Variants in FAM193B observed in about 807,000 individuals in gnomAD.
FAM193B encodes the protein protein FAM193B.
FAM193B carries 27 observed loss-of-function variants against 70.7 expected under a neutral mutation model. That is an observed-to-expected ratio of 0.38 (90% CI 0.28 to 0.53). The LOEUF is 0.53. Among genes scored for constraint, FAM193B ranks in the 20% least tolerant of loss-of-function variants. The probability of loss-of-function intolerance (pLI) is 0.81; values close to 1 mark genes in which losing one functional copy is unlikely to be tolerated. For synonymous variants in FAM193B, 448 were observed against 436.0 expected (o/e 1.03, Z -0.34); for missense variants, 1,022 against 1,072.5 (o/e 0.95, Z 0.66).
intron 4 of FAM193B, 101 bp downstream of exon 4, chr5:177,536,257 C>T: frequency 8.0e-7 from 1 of 1,243,786 alleles, no homozygotes; most frequent in South Asian, 1.3e-5. Context: ...AAAGGAAAGA[C>T]ATAGTCTACT....
At position 177,525,163 on chromosome 5, in the gene FAM193B, C is replaced by G; in HGVS notation, c.1318G>C (p.Ala440Pro). Reference sequence around the variant, plus strand: ...TCCCGGCTTCCAGAAACACGATTTGCCTGCTTTAGAGCTTCTGCTGCCAAC... The same window carrying G: ...TCCCGGCTTCCAGAAACACGATTTGGCTGCTTTAGAGCTTCTGCTGCCAAC... ...AQLAAEALKQ[A>P]NRVSGSREPR... Residue 440 changes from alanine to proline, a missense_variant, in exon 6 of 9, where the codon GCA becomes CCA. Ala to Pro is a conservative substitution (Grantham distance 27). Transcript: ENST00000514747. 1.3e-6 allele frequency: 2 copies of G among 1,511,824 alleles called. No homozygotes were observed. The highest frequency in any genetic ancestry group is 1.8e-4 in the Middle Eastern group (1 of 5,604). The allele number at this position is 1,511,824 out of a possible 1,614,324, so 93.7% of individuals were successfully genotyped here.
rs1231172805 is a variant in FAM193B, at chr5:177,554,398, C to T, written c.61G>A (p.Ala21Thr). 2.6e-6 allele frequency: 3 copies of T among 1,157,500 alleles called. No homozygotes were observed. The highest frequency in any genetic ancestry group is 3.2e-6 in the Non-Finnish European group (3 of 940,976). 71.7% of individuals were successfully genotyped at this position (1,157,500 alleles called of 1,614,324 possible). The change falls in exon 1 of 9, where the codon GCG (alanine) becomes ACG (threonine). Residue 21 changes from alanine to threonine, a missense_variant. Physicochemically the swap from Ala to Thr is moderately conservative, Grantham distance 58. Transcript: ENST00000514747. ...GAGRRERARA[A>T]GPQKPQAPEP... ...GGCGCCTGGGGCTTCTGCGGCCCCGCGGCCCGAGCCCGCTCGCGCCTGCCC... is the reference window on the plus strand; with the variant it reads ...GGCGCCTGGGGCTTCTGCGGCCCCGTGGCCCGAGCCCGCTCGCGCCTGCCC...
At chr5:177,527,541 G>T (rs566926017) in intron 5 of FAM193B, among the ~76,000 whole-genome samples, 1 of 152,356 alleles carries the variant, frequency 6.6e-6, no homozygotes, top group Admixed American at 6.5e-5. Context: ...CAGCCCCACT[G>T]CCTGAGAACT....
In FAM193B at chr5:177,522,043, G is replaced by A. The variant is rs1183044542; in HGVS notation, c.2401C>T (p.Arg801Cys). 2.5e-6 allele frequency: 4 copies of A among 1,614,006 alleles called. No homozygotes were observed. The highest frequency in any genetic ancestry group is 1.7e-5 in the Admixed American group (1 of 60,028). ...GTCCAGTTCACAGCAACTTTCTGAC[G>A]AGTCTGCTTTGCAGAATCCAAACAG... is the stretch of plus-strand genomic sequence containing the variant. ...RFCLDSAKQT[R>C]QKVAVNWTNF... Residue 801 changes from arginine to cysteine, a missense_variant, in exon 8 of 9, where the codon CGT (arginine) becomes TGT (cysteine). Coordinates refer to ENST00000514747, the MANE Select transcript of FAM193B (RefSeq NM_001190946.3).
At chr5:177,520,364 T>C (rs1311069005) in intron 8 of FAM193B, among the ~76,000 whole-genome samples, 183 bp from the exon 9 acceptor site, 3 of 152,186 alleles carry the variant, frequency 2.0e-5, no homozygotes, top group Non-Finnish European at 4.4e-5. Flanking sequence ...GTTAACGGGT[T>C]GGGAGACAGA....
In FAM193B at chr5:177,554,413, C is replaced by T. The variant is rs1458523205; in HGVS notation, c.46G>A (p.Glu16Lys). The T allele has an allele frequency of 9.0e-7, 1 of 1,114,576 alleles. No individual in the cohort carries two copies. Among genetic ancestry groups the T allele is most frequent in the Admixed American group, 5.1e-5 (1 of 19,800 alleles). 69.0% of individuals were successfully genotyped at this position (1,114,576 alleles called of 1,614,324 possible). Residue 16 changes from glutamate (E) to lysine (K), a missense_variant, in exon 1 of 9, where the codon GAG (glutamate) becomes AAG (lysine). Transcript: ENST00000514747. ...SRPSGGAGRR[E>K]RARAAGPQKP... ...TGCGGCCCCGCGGCCCGAGCCCGCTCGCGCCTGCCCGCACCGCCGCTCGGC... is the reference window on the plus strand; with the variant it reads ...TGCGGCCCCGCGGCCCGAGCCCGCTTGCGCCTGCCCGCACCGCCGCTCGGC...
At chr5:177,553,911 G>A (rs981097981) in intron 1 of FAM193B, 6 of 1,218,914 alleles carry the variant, frequency 4.9e-6, no homozygotes, top group Non-Finnish European at 6.3e-6. Context: ...GTGGGCCCGG[G>A]GGAGGTGGCG....
rs1262301421 is a variant in FAM193B, at chr5:177,524,703, A to G, written c.1778T>C (p.Leu593Pro). ...LVRRLNTVPN[L>P]SRVIWVKTPK... ...TGTCTTGACCCAGATCACCCGGGAT[A>G]GGTTGGGCACGGTGTTGAGTCTCCT... Residue 593 changes from leucine to proline, a missense_variant, in exon 6 of 9, where the codon CTA becomes CCA. Transcript: ENST00000514747. 6.3e-7 allele frequency: 1 copy of G among 1,597,106 alleles called. No homozygotes were observed. Among genetic ancestry groups the G allele is most frequent in the Non-Finnish European group, 8.5e-7 (1 of 1,172,708 alleles).
At chr5:177,547,251 T>G (rs1007559784) in intron 1 of FAM193B, 2 of 151,614 alleles carry the variant, frequency 1.3e-5, no homozygotes, top group Non-Finnish European at 2.9e-5. Context: ...ACAGGGAAAC[T>G]TACTAAGTGA....
intron 5 of FAM193B, among the ~76,000 whole-genome samples, chr5:177,530,025 G>A (rs896068183): frequency 6.6e-6 from 1 of 152,218 alleles, no homozygotes; most frequent in Non-Finnish European, 1.5e-5. Context: ...GACCACCCAG[G>A]AACTGGAACT....
rs768469751 is a variant in FAM193B, at chr5:177,532,297, A to T, written c.1275+146T>A. On this transcript the variant is annotated intron_variant, in intron 5 of 8. Coordinates refer to ENST00000514747, the MANE Select transcript of FAM193B (RefSeq NM_001190946.3). This position sits in a 1 kb window ranked among gnomAD's most constrained non-coding sequence, Gnocchi z 4.9. ...ACCTCACAAATGTGCTGTGAGGATC[A>T]AGCGAGCAGACGCAGGTGCAAGGAC... 33 of 1,482,818 alleles carry T rather than the reference A, an allele frequency of 2.2e-5. No individual in the cohort carries two copies. The highest frequency in any genetic ancestry group is 2.9e-5 in the Non-Finnish European group (32 of 1,118,098). The allele number at this position is 1,482,818 out of a possible 1,614,324, so 91.9% of individuals were successfully genotyped here. A position where few individuals can be genotyped will look rare whatever the true frequency, so the allele number is the denominator to read the frequency against.
chr5:177,528,155 A>G (rs114407245), intron 5 of FAM193B, among the ~76,000 whole-genome samples: 13 of 152,316 alleles, frequency 8.5e-5, no homozygotes, highest in Non-Finnish European at 1.9e-4. Flanking sequence ...GGCTGAGGAC[A>G]GAGGAGCCCA....
In FAM193B at chr5:177,554,352, C is replaced by G. The variant is rs1455353254; in HGVS notation, c.107G>C (p.Ser36Thr). Residue 36 changes from serine to threonine, a missense_variant, in exon 1 of 9, where the codon AGC (serine) becomes ACC (threonine). Transcript: ENST00000514747. ...GCCTGCACCCGCTCCCGCCTCCAGG[C>G]TTGGCGGCGGCGGGGGCTCGGGCGC... The part of the protein sequence containing the change: ...PQAPEPPPPP[S>T]LEAGAGAGPP... 94 of 1,230,616 alleles carry G rather than the reference C, an allele frequency of 7.6e-5. No homozygotes were observed. The highest frequency in any genetic ancestry group is 9.2e-5 in the Non-Finnish European group (91 of 986,606). 76.2% of individuals were successfully genotyped at this position (1,230,616 alleles called of 1,614,324 possible). A position where few individuals can be genotyped will look rare whatever the true frequency, so the allele number is the denominator to read the frequency against.
chr5:177,553,978 G>C (rs888164575), intron 1 of FAM193B: 103 of 1,266,056 alleles, frequency 8.1e-5, no homozygotes, highest in Non-Finnish European at 1.0e-4. Flanking sequence ...CCCAGTCCCA[G>C]TGTGGGTGTA....
chr5:177,538,788 T>C lies in FAM193B; in HGVS notation c.453+117A>G. 7.3e-7 allele frequency: 1 copy of C among 1,375,508 alleles called. No individual in the cohort carries two copies. 85.2% of individuals were successfully genotyped at this position (1,375,508 alleles called of 1,614,324 possible). A position where few individuals can be genotyped will look rare whatever the true frequency, so the allele number is the denominator to read the frequency against. ...GCTGTGCCAGTGCAGCCCAGAAGTC[T>C]CTCAGTGCCTGGGCATGGGAGCTGC... On this transcript the variant is annotated intron_variant, in intron 2 of 8. Coordinates refer to ENST00000514747, the MANE Select transcript of FAM193B (RefSeq NM_001190946.3). This position sits in a 1 kb window ranked among gnomAD's most constrained non-coding sequence, Gnocchi z 4.1.
rs776750968 is a variant in FAM193B at position 177,524,405 on chromosome 5, C to T, written c.2076G>A (p.Gly692=). Residue 692 remains glycine, a synonymous_variant, in exon 6 of 9, where the codon GGG becomes GGA. Coordinates refer to ENST00000514747, the MANE Select transcript of FAM193B (RefSeq NM_001190946.3). ...CTGGTCCTGGCCGGCTCCCCCGGCTCCCCTCTCCAGCCTCAGCACAGCTGC... is the reference window on the plus strand; with the variant it reads ...CTGGTCCTGGCCGGCTCCCCCGGCTTCCCTCTCCAGCCTCAGCACAGCTGC... The part of the protein sequence containing the change: ...KVGSCAEAGE[G]SRGSRPGPGW... 3 of 1,583,240 alleles carry T rather than the reference C, an allele frequency of 1.9e-6. No individual in the cohort carries two copies. Among genetic ancestry groups the T allele is most frequent in the Non-Finnish European group, 2.6e-6 (3 of 1,165,562 alleles).
intron 1 of FAM193B, chr5:177,539,403 G>T: frequency 2.3e-6 from 1 of 431,408 alleles, no homozygotes; most frequent in East Asian, 4.4e-5. Flanking sequence ...TTGAACCCTA[G>T]TGAGTCTGGC....
intron 1 of FAM193B, 97 bp from the exon 2 acceptor site, chr5:177,539,244 G>A: frequency 7.1e-7 from 1 of 1,403,830 alleles, no homozygotes; most frequent in Non-Finnish European, 9.4e-7. Context: ...TACGTGCCAG[G>A]CACTGGGTTA....
chr5:177,531,614 A>C (rs1342899610), intron 5 of FAM193B: 2 of 1,054,920 alleles, frequency 1.9e-6, no homozygotes, highest in Non-Finnish European at 2.5e-6. Context: ...GATGAGAAGC[A>C]AGACAACTGT....
Sources: gnomAD v4.1 joint callset for allele counts (sites outside exome capture counted in the v4.1 genomes callset) on GRCh38, gnomAD v4.1.1 for gene constraint, Gnocchi (gnomAD v3.1) non-coding constraint, MANE v1.5 for transcripts, NCBI Gene and HGNC (gene_info 2026-07-23, HGNC 2026-07-21) for gene names.